SYNPR: variants seen among roughly 807,000 people sequenced by gnomAD.
SYNPR encodes the protein synaptoporin.
SYNPR carries 23 observed loss-of-function variants against 32.9 expected under a neutral mutation model. The observed-to-expected ratio is 0.70, with a 90% confidence interval of 0.50 to 0.99. SYNPR has a LOEUF of 0.99. SYNPR is among the 50% of genes least tolerant of loss of function. SYNPR has a pLI of 0.00. For missense variants in SYNPR, 318 were observed against 349.3 expected (o/e 0.91, Z 0.71); for synonymous variants, 146 against 135.9 (o/e 1.07, Z -0.52).
intron 2 of SYNPR, among the ~76,000 whole-genome samples, chr3:63,453,846 A>G (rs987920849): frequency 1.3e-5 from 2 of 152,188 alleles, no homozygotes; most frequent in Non-Finnish European, 2.9e-5. Flanking sequence ...AGTATGTGGT[A>G]AACAGTACTA....
At chr3:63,218,346 G>C in the SYNPR span, among the ~76,000 whole-genome samples, 1 of 152,178 alleles carries the variant, frequency 6.6e-6, no homozygotes, top group Non-Finnish European at 1.5e-5. Context: ...TTCTCCAATA[G>C]AGGGATGAAG....
chr3:63,445,150 T>C (rs1700251377), intron 2 of SYNPR, among the ~76,000 whole-genome samples: 1 of 152,174 alleles, frequency 6.6e-6, no homozygotes, highest in Non-Finnish European at 1.5e-5. Context: ...ACAGGTTGTA[T>C]GTGAAGTCAT....
At chr3:63,526,876 G>A (rs1702022833) in intron 3 of SYNPR, among the ~76,000 whole-genome samples, 2 of 152,314 alleles carry the variant, frequency 1.3e-5, no homozygotes, top group South Asian at 2.1e-4. Flanking sequence ...AGCATTAGCT[G>A]TGTGCTCAGA....
intron 5 of SYNPR, among the ~76,000 whole-genome samples, chr3:63,615,016 A>C (rs1700256957): frequency 6.6e-6 from 1 of 152,188 alleles, no homozygotes; most frequent in Non-Finnish European, 1.5e-5. Context: ...ATACACATAA[A>C]GCCCTTTATG....
At chr3:63,256,898 C>T (rs570258216) in intron 2 of SYNPR, among the ~76,000 whole-genome samples, 192 of 152,258 alleles carry the variant, frequency 1.3e-3, no homozygotes, top group African/African-American at 4.0e-3. Context: ...CTGAAAACCA[C>T]GGCACGAGAA....
chr3:63,394,271 AT>A (rs1198224795), intron 2 of SYNPR, among the ~76,000 whole-genome samples: 3 of 152,138 alleles, frequency 2.0e-5, no homozygotes, highest in African/African-American at 4.8e-5. Flanking sequence ...ACTATAATAC[AT>A]TTTTTAGTTC....
chr3:63,456,677 C>A (rs914285989), intron 2 of SYNPR, among the ~76,000 whole-genome samples: 2 of 152,068 alleles, frequency 1.3e-5, no homozygotes, highest in Non-Finnish European at 2.9e-5. Flanking sequence ...AGCTCAAACC[C>A]ACCATCCATG....
chr3:63,386,603 ACTTCCTTC>A (rs143184474), intron 2 of SYNPR, among the ~76,000 whole-genome samples: 3 of 149,984 alleles, frequency 2.0e-5, no homozygotes, highest in East Asian at 2.0e-4. Context: ...GATTATATTT[ACTTCCTTC>A]CTTCCTTCCT....
At chr3:63,329,155 T>G (rs2087198038) in intron 2 of SYNPR, among the ~76,000 whole-genome samples, 1 of 152,230 alleles carries the variant, frequency 6.6e-6, no homozygotes, top group African/African-American at 2.4e-5. Context: ...GCCTCTCAAG[T>G]GACAACATGG....
intron 3 of SYNPR, among the ~76,000 whole-genome samples, chr3:63,530,347 G>A (rs1370767522): frequency 2.0e-5 from 3 of 152,076 alleles, no homozygotes; most frequent in Non-Finnish European, 2.9e-5. Context: ...GTGGCCCATG[G>A]TGCTTCCCAG....
chr3:63,331,040 T>C (rs1467099259), intron 2 of SYNPR, among the ~76,000 whole-genome samples: 1 of 152,206 alleles, frequency 6.6e-6, no homozygotes, highest in Non-Finnish European at 1.5e-5. Context: ...TCATCATCAT[T>C]GTAAGGAAGG....
chr3:63,305,904 T>C lies in SYNPR; in HGVS notation c.84+27162T>C, dbSNP rs117343187. The stretch of plus-strand genomic sequence containing the variant: ...TCAGTCCTGGAAAAATGGCTAAAGA[T>C]GTTAAAACCATATTTGGTCATTCAG... On this transcript the variant is annotated intron_variant, in intron 2 of 5. Transcript: ENST00000478300. 1.6e-4 allele frequency among the ~76,000 whole-genome samples: 25 copies of C among 152,120 alleles called. No homozygotes were observed. In the East Asian group the frequency reaches 4.9e-3, roughly 30 times the overall value.
chr3:63,452,917 G>A lies in SYNPR; in HGVS notation c.85-27915G>A, dbSNP rs183333194. 4.1e-3 allele frequency among the ~76,000 whole-genome samples: 628 copies of A among 152,184 alleles called. 6 individuals carry two copies. Among genetic ancestry groups the A allele is most frequent in the Non-Finnish European group, 4.3e-3 (294 of 67,990 alleles). On this transcript the variant is annotated intron_variant, in intron 2 of 5. Transcript: ENST00000478300. ...TATCTCAATTAGAGCCACAATAATC[G>A]TTCTTGAAATAAAATGGAACTTTGT...
At chr3:63,493,494 A>G (rs1315118956) in intron 3 of SYNPR, among the ~76,000 whole-genome samples, 1 of 152,046 alleles carries the variant, frequency 6.6e-6, no homozygotes, top group African/African-American at 2.4e-5. Context: ...CCCTACCTGC[A>G]TGGTAACGTG....
upstream of SYNPR, among the ~76,000 whole-genome samples, chr3:63,275,335 C>G (rs2106912177): frequency 6.6e-6 from 1 of 152,152 alleles, no homozygotes; most frequent in East Asian, 1.9e-4. Context: ...ATATGAAACT[C>G]TGGGTTATTT....
At chr3:63,549,610 C>T (rs1291351960) in intron 3 of SYNPR, among the ~76,000 whole-genome samples, 1 of 152,102 alleles carries the variant, frequency 6.6e-6, no homozygotes, top group Non-Finnish European at 1.5e-5. Context: ...AGCACAATGC[C>T]TAGGTTGAAA....
At chr3:63,385,441 C>A (rs982664359) in intron 2 of SYNPR, among the ~76,000 whole-genome samples, 1 of 152,138 alleles carries the variant, frequency 6.6e-6, no homozygotes, top group Non-Finnish European at 1.5e-5. Flanking sequence ...TATTGTACAT[C>A]ACCTAATATC....
intron 1 of SYNPR, among the ~76,000 whole-genome samples, chr3:63,243,043 G>A (rs970888142): frequency 6.6e-6 from 1 of 151,844 alleles, no homozygotes; most frequent in Non-Finnish European, 1.5e-5. Flanking sequence ...TGGAAGAGAA[G>A]AAAAAGCAAG....
chr3:63,210,007 G>A, the SYNPR span, among the ~76,000 whole-genome samples: 59,902 of 151,804 alleles, frequency 0.39, 12,958 homozygotes, highest in Admixed American at 0.51. Context: ...ACCTCACAGA[G>A]TCCATATTAG....
Sources: gnomAD v4.1 joint callset for allele counts (sites outside exome capture counted in the v4.1 genomes callset) on GRCh38, gnomAD v4.1.1 for gene constraint, MANE v1.5 for transcripts, NCBI Gene and HGNC (gene_info 2026-07-23, HGNC 2026-07-21) for gene names.